SGCZ: variants seen among roughly 807,000 people sequenced by gnomAD.
SGCZ encodes the protein zeta-sarcoglycan.
Under a neutral mutation model 41.3 loss-of-function variants are expected in SGCZ, and 40 were observed. That is an observed-to-expected ratio of 0.97 (90% CI 0.75 to 1.26). The LOEUF (loss-of-function observed/expected upper bound fraction) is 1.26, where lower values mean the gene tolerates loss of function less well. Among genes scored for constraint, SGCZ ranks in the 50% most tolerant of loss-of-function variants. The probability of loss-of-function intolerance (pLI) is 0.00; values close to 1 mark genes in which losing one functional copy is unlikely to be tolerated. For missense variants in SGCZ, 552 were observed against 369.8 expected (o/e 1.49, Z -4.04); for synonymous variants, 206 against 137.5 (o/e 1.50, Z -3.49).
intron 4 of SGCZ, among the ~76,000 whole-genome samples, chr8:14,235,005 A>G (rs561759322): frequency 6.6e-6 from 1 of 152,294 alleles, no homozygotes; most frequent in South Asian, 2.1e-4. Flanking sequence ...ACCAATAATT[A>G]CACTCACCAT....
At chr8:14,234,041 T>C (rs1490010901) in intron 4 of SGCZ, among the ~76,000 whole-genome samples, 1 of 151,964 alleles carries the variant, frequency 6.6e-6, no homozygotes, top group East Asian at 1.9e-4. Context: ...TCAAGAAAAT[T>C]AGAATCCTAG....
Position 14,612,930 on chromosome 8 carries a change from C to A in SGCZ, c.40-58004G>T, listed in dbSNP as rs554027536. On this transcript the variant is annotated intron_variant, in intron 1 of 7. Transcript: ENST00000382080. ...CGAACTCCTGAGCTCAGGCTATCCA[C>A]TTGCCTCGGCCTCCCAAAGTGCTGG... 2.0e-5 allele frequency among the ~76,000 whole-genome samples: 3 copies of A among 152,336 alleles called. No individual in the cohort carries two copies. In the South Asian group the frequency reaches 6.2e-4, roughly 32 times the overall value.
chr8:14,650,345 G>A (rs1313497250), intron 1 of SGCZ, among the ~76,000 whole-genome samples: 1 of 151,960 alleles, frequency 6.6e-6, no homozygotes, highest in East Asian at 1.9e-4. Flanking sequence ...AGTGGATGAT[G>A]TTTTTTAAAA....
At chr8:15,045,369 T>G (rs1348515733) in intron 1 of SGCZ, among the ~76,000 whole-genome samples, 2 of 152,054 alleles carry the variant, frequency 1.3e-5, no homozygotes, top group African/African-American at 4.8e-5. Context: ...GGTAAAGCAA[T>G]TAAAATAATA....
intron 1 of SGCZ, among the ~76,000 whole-genome samples, chr8:14,682,204 T>C (rs978819229): frequency 1.3e-5 from 2 of 151,936 alleles, no homozygotes; most frequent in Non-Finnish European, 1.5e-5. Flanking sequence ...GAAAATACAA[T>C]GGGAAATACA....
chr8:14,559,585 G>T (rs1301237395), intron 1 of SGCZ, among the ~76,000 whole-genome samples: 2 of 151,832 alleles, frequency 1.3e-5, no homozygotes, highest in African/African-American at 4.8e-5. Context: ...TCAATGTTGA[G>T]AAATTTTTAT....
rs566249300 is a variant in SGCZ, at chr8:15,170,703, G to A, written c.39+66882C>T. ...GAAAAGTGTTTTATGCAGAATAGTC[G>A]ATGTATTTGAACTATGCAGTGTTTT... On this transcript the variant is annotated intron_variant, in intron 1 of 7. Coordinates refer to ENST00000382080, the MANE Select transcript of SGCZ (RefSeq NM_139167.4). Among the ~76,000 whole-genome samples the A allele has an allele frequency of 3.3e-5, 5 of 152,260 alleles. No individual in the cohort carries two copies. The South Asian group carries it at 6.2e-4, about 19-fold the overall frequency.
rs141791742 is a variant in SGCZ, at chr8:14,733,950, A to T, written c.40-179024T>A. ...CTCAATCAAAGCAAAGAATAAACCC[A>T]TGTTGAAAAGACGTTTTATCCTCCA... On this transcript the variant is annotated intron_variant, in intron 1 of 7. Coordinates refer to ENST00000382080, the MANE Select transcript of SGCZ (RefSeq NM_139167.4). Among the ~76,000 whole-genome samples, 5 of 152,358 alleles carry T rather than the reference A, an allele frequency of 3.3e-5. No individual in the cohort carries two copies. The East Asian group carries it at 9.6e-4, about 29-fold the overall frequency.
chr8:15,232,161 C>T (rs973142453), intron 1 of SGCZ, among the ~76,000 whole-genome samples: 3 of 152,144 alleles, frequency 2.0e-5, no homozygotes, highest in African/African-American at 7.2e-5. Context: ...AAGTTGTAAG[C>T]TCTGCCAAAT....
intron 4 of SGCZ, among the ~76,000 whole-genome samples, chr8:14,179,521 T>C (rs10888085): frequency 0.29 from 43,761 of 152,074 alleles, 6,898 homozygotes; most frequent in East Asian, 0.62. Context: ...CTAGACTCTC[T>C]TTGCCCACCT....
chr8:14,520,016 T>A (rs1047872340), intron 2 of SGCZ, among the ~76,000 whole-genome samples: 1 of 152,126 alleles, frequency 6.6e-6, no homozygotes, highest in African/African-American at 2.4e-5. Context: ...AAACTTTTTT[T>A]TAAAAATGAT....
chr8:14,669,765 T>C (rs1219982050), intron 1 of SGCZ, among the ~76,000 whole-genome samples: 1 of 152,128 alleles, frequency 6.6e-6, no homozygotes, highest in South Asian at 2.1e-4. Flanking sequence ...AGACTTTTAG[T>C]ATGTTTCCAT....
At chr8:14,326,089 G>C (rs1365520530) in intron 2 of SGCZ, among the ~76,000 whole-genome samples, 2 of 91,550 alleles carry the variant, frequency 2.2e-5, no homozygotes, top group African/African-American at 8.0e-5. Flanking sequence ...TCCAGCCTGG[G>C]CGAAAGAGTG....
At chr8:14,253,493 C>G (rs1799357018) in intron 3 of SGCZ, among the ~76,000 whole-genome samples, 1 of 152,080 alleles carries the variant, frequency 6.6e-6, no homozygotes, top group African/African-American at 2.4e-5. Flanking sequence ...TGCCTCAAAG[C>G]TGACCCATTC....
chr8:14,386,689 A>G (rs1804590183), intron 2 of SGCZ, among the ~76,000 whole-genome samples: 1 of 152,208 alleles, frequency 6.6e-6, no homozygotes, highest in Admixed American at 6.5e-5. Context: ...AATCATTATT[A>G]TAGAAATGGG....
intron 1 of SGCZ, among the ~76,000 whole-genome samples, chr8:15,166,253 T>A (rs557058629): frequency 6.6e-6 from 1 of 150,500 alleles, no homozygotes; most frequent in Non-Finnish European, 1.5e-5. Flanking sequence ...CTTTTTTTTT[T>A]TTTTCTTTTT....
chr8:14,643,977 CTGTA>C (rs760335769), intron 1 of SGCZ, among the ~76,000 whole-genome samples: 12,722 of 122,998 alleles, frequency 0.1, 1,179 homozygotes, highest in East Asian at 0.56. Flanking sequence ...TTGTACAATT[CTGTA>C]CAATTCTTAA....
At chr8:15,031,769 C>T (rs1184472728) in intron 1 of SGCZ, among the ~76,000 whole-genome samples, 1 of 152,208 alleles carries the variant, frequency 6.6e-6, no homozygotes, top group East Asian at 1.9e-4. Flanking sequence ...TATTTAAATG[C>T]TAGTCAAATA....
intron 1 of SGCZ, among the ~76,000 whole-genome samples, chr8:14,693,439 G>A (rs1217457065): frequency 6.6e-6 from 1 of 151,858 alleles, no homozygotes; most frequent in East Asian, 1.9e-4. Context: ...TTACAGGCAT[G>A]CACTACCACA....
Sources: allele counts gnomAD v4.1 joint callset (sites outside exome capture counted in the v4.1 genomes callset), GRCh38; gene constraint gnomAD v4.1.1; transcripts MANE v1.5; gene names NCBI Gene and HGNC (gene_info 2026-07-23, HGNC 2026-07-21).